QSOX2: variants seen among roughly 807,000 people sequenced by gnomAD.
The protein encoded by QSOX2 is quiescin sulfhydryl oxidase 2.
Under a neutral mutation model 61.7 loss-of-function variants are expected in QSOX2, and 46 were observed. The ratio of observed to expected loss-of-function variants is 0.75; its 90% CI spans 0.59 to 0.95. The LOEUF is 0.95. QSOX2 is among the 40% of genes least tolerant of loss of function. The probability of loss-of-function intolerance (pLI) is 0.00; values close to 1 mark genes in which losing one functional copy is unlikely to be tolerated. For synonymous variants in QSOX2, 383 were observed against 388.4 expected (o/e 0.99, Z 0.16); for missense variants, 879 against 918.9 (o/e 0.96, Z 0.56).
chr9:136,217,450 C>A (rs937370834), intron 8 of QSOX2, among the ~76,000 whole-genome samples: 5 of 152,222 alleles, frequency 3.3e-5, no homozygotes, highest in Admixed American at 1.3e-4. Context: ...TCACAGGTGG[C>A]GATGCCAGAC....
chr9:136,231,317 G>A (rs1045629291), intron 1 of QSOX2, among the ~76,000 whole-genome samples: 12 of 152,328 alleles, frequency 7.9e-5, no homozygotes, highest in Admixed American at 1.3e-4. Context: ...AAGACTCCCC[G>A]TCACGCAGGT....
chr9:136,214,668 G>A (rs1776754947), intron 10 of QSOX2, among the ~76,000 whole-genome samples: 1 of 152,214 alleles, frequency 6.6e-6, no homozygotes, highest in Admixed American at 6.5e-5. Context: ...TCCGACTGCA[G>A]CCTGACCAAT....
chr9:136,231,820 G>C (rs1165966653), intron 1 of QSOX2, among the ~76,000 whole-genome samples: 1 of 152,188 alleles, frequency 6.6e-6, no homozygotes, highest in African/African-American at 2.4e-5. Context: ...AGGACACCGA[G>C]CTCCAAGTCC....
chr9:136,206,366 T>A lies in QSOX2; in HGVS notation c.*2362A>T, dbSNP rs775405700. The A allele has an allele frequency of 8.5e-5, 13 of 152,678 alleles. No individual in the cohort carries two copies. The highest frequency in any genetic ancestry group is 1.5e-4 in the Non-Finnish European group (10 of 68,036). The allele number at this position is 152,678 out of a possible 1,614,324, so 9.5% of individuals were successfully genotyped here. A position where few individuals can be genotyped will look rare whatever the true frequency, so the allele number is the denominator to read the frequency against. ...AATGTCAGATTTCTTTATTAAAATG[T>A]GCACATTATAGTTTACTTAAATACA... On this transcript the variant is annotated 3_prime_UTR_variant, in exon 12 of 12. Coordinates refer to ENST00000358701, the MANE Select transcript of QSOX2 (RefSeq NM_181701.4).
Position 136,224,012 on chromosome 9 carries a change from G to A in QSOX2, c.579C>T (p.Pro193=), listed in dbSNP as rs149782009. The part of the protein sequence containing the change: ...SRPPACPRLD[P]IQPSDVLSLL... ...TTCTTCATGGAGCTACTCACTGAAT[G>A]GGGTCTAGGCGCGGGCAGGCAGGGG... Residue 193 remains proline (P), a synonymous_variant, in exon 4 of 12, where the codon CCC becomes CCT. Coordinates refer to ENST00000358701, the MANE Select transcript of QSOX2 (RefSeq NM_181701.4). The A allele has an allele frequency of 7.4e-6, 12 of 1,613,024 alleles. No individual in the cohort carries two copies. The African/African-American group carries it at 1.5e-4, about 20-fold the overall frequency.
intron 1 of QSOX2, among the ~76,000 whole-genome samples, chr9:136,240,728 C>T (rs1325556898): frequency 3.3e-5 from 5 of 152,216 alleles, no homozygotes; most frequent in South Asian, 2.1e-4. Flanking sequence ...CCCGGGCACA[C>T]GCTACGGTCG....
At chr9:136,241,747 A>G (rs987626010) in intron 1 of QSOX2, among the ~76,000 whole-genome samples, 1 of 152,132 alleles carries the variant, frequency 6.6e-6, no homozygotes, top group African/African-American at 2.4e-5. Context: ...ACGCAACCTC[A>G]TGTGCTATCA....
Position 136,218,671 on chromosome 9 carries a change from T to C in QSOX2, c.1086+8A>G, listed in dbSNP as rs749706199. The C allele has an allele frequency of 1.2e-6, 2 of 1,613,012 alleles. No individual in the cohort carries two copies. The highest frequency in any genetic ancestry group is 1.7e-6 in the Non-Finnish European group (2 of 1,179,546). Reference sequence around the variant, plus strand: ...CCACATGCAGCCCAGACCAGCACCGTCCCAAACCTTGGCCAAGACAGTCAC... The same window carrying C: ...CCACATGCAGCCCAGACCAGCACCGCCCCAAACCTTGGCCAAGACAGTCAC... On this transcript the variant is annotated splice_region_variant and intron_variant, in intron 8 of 11. Transcript: ENST00000358701.
At chr9:136,231,744 C>A (rs1424432843) in intron 1 of QSOX2, among the ~76,000 whole-genome samples, 7 of 152,240 alleles carry the variant, frequency 4.6e-5, no homozygotes, top group African/African-American at 1.7e-4. Context: ...CCCGGACCCA[C>A]CTTATTCCTT....
chr9:136,232,826 T>C (rs549951094), intron 1 of QSOX2, among the ~76,000 whole-genome samples: 1 of 138,520 alleles, frequency 7.2e-6, no homozygotes, highest in South Asian at 2.2e-4. Context: ...CAGGTTGAGA[T>C]GGGAGAACTA....
chr9:136,213,806 G>A (rs987566703), intron 10 of QSOX2, among the ~76,000 whole-genome samples: 3 of 152,158 alleles, frequency 2.0e-5, no homozygotes, highest in African/African-American at 7.2e-5. Flanking sequence ...CTACTTGGTG[G>A]GGAAGCCACG....
At chr9:136,230,264 C>T (rs111722479) in intron 1 of QSOX2, among the ~76,000 whole-genome samples, 27 of 152,306 alleles carry the variant, frequency 1.8e-4, no homozygotes, top group African/African-American at 5.8e-4. Context: ...GGCGCCAGAG[C>T]GAGACTCTAT....
At chr9:136,237,994 C>T (rs1418619695) in intron 1 of QSOX2, among the ~76,000 whole-genome samples, 3 of 152,224 alleles carry the variant, frequency 2.0e-5, no homozygotes, top group African/African-American at 7.2e-5. Flanking sequence ...AAACCACAAC[C>T]TTTGGGCTTT....
In QSOX2 at chr9:136,245,661, C is replaced by T. The variant is rs1222759250; in HGVS notation, c.143G>A (p.Gly48Asp). 4.1e-6 allele frequency: 5 copies of T among 1,228,134 alleles called. No individual in the cohort carries two copies. The highest frequency in any genetic ancestry group is 8.8e-5 in the Admixed American group (2 of 22,808). The allele number at this position is 1,228,134 out of a possible 1,614,324, so 76.1% of individuals were successfully genotyped here. Reference protein sequence around the residue: ...VLLAAAAVGPGAGGAARLYRA... With the variant: ...VLLAAAAVGPDAGGAARLYRA... ...GTACAGCCGCGCCGCACCGCCCGCG[C>T]CCGGCCCCACCGCCGCCGCCGCTAG... Residue 48 changes from glycine (G) to aspartate (D), a missense_variant, in exon 1 of 12, where the codon GGC becomes GAC. Coordinates refer to ENST00000358701, the MANE Select transcript of QSOX2 (RefSeq NM_181701.4).
chr9:136,212,965 G>A (rs1047562012), intron 10 of QSOX2, among the ~76,000 whole-genome samples: 1 of 152,230 alleles, frequency 6.6e-6, no homozygotes, highest in East Asian at 1.9e-4. Context: ...CTTGCTAGCA[G>A]TGTGCTTTGC....
At chr9:136,236,478 A>G (rs914148657) in intron 1 of QSOX2, among the ~76,000 whole-genome samples, 1 of 152,218 alleles carries the variant, frequency 6.6e-6, no homozygotes, top group African/African-American at 2.4e-5. Flanking sequence ...GTTTTGGCCA[A>G]TCTGAGGCTT....
In QSOX2 at chr9:136,222,322, C is replaced by T. The variant is rs967872526; in HGVS notation, c.676-381G>A. Among the ~76,000 whole-genome samples, 51 of 152,162 alleles carry T rather than the reference C, an allele frequency of 3.4e-4. No individual in the cohort carries two copies. The highest frequency in any genetic ancestry group is 2.1e-3 in the Admixed American group (32 of 15,268). On this transcript the variant is annotated intron_variant, in intron 5 of 11. Coordinates refer to ENST00000358701, the MANE Select transcript of QSOX2 (RefSeq NM_181701.4). This position sits in a 1 kb window ranked among gnomAD's most constrained non-coding sequence, Gnocchi z 6.9. The stretch of plus-strand genomic sequence containing the variant: ...GTCCCGCGTGTGGAAGCTTCGTGGC[C>T]GGGGCAGCAGGCCTCGTGCTGCCGC...
In QSOX2 at chr9:136,221,704, C is replaced by A. The variant is rs572087215; in HGVS notation, c.821+92G>T. The A allele has an allele frequency of 3.6e-6, 5 of 1,388,462 alleles. No homozygotes were observed. The highest frequency in any genetic ancestry group is 4.8e-6 in the Non-Finnish European group (5 of 1,042,098). The allele number at this position is 1,388,462 out of a possible 1,614,324, so 86.0% of individuals were successfully genotyped here. On this transcript the variant is annotated intron_variant, in intron 6 of 11. Transcript: ENST00000358701. This position sits in a 1 kb window ranked among gnomAD's most constrained non-coding sequence, Gnocchi z 4.5. ...CGAGGCGGAGGGGCCAGGGCTCCCC[C>A]GATCTCACACCAGACTTGCACTGTC...
intron 10 of QSOX2, among the ~76,000 whole-genome samples, chr9:136,211,694 T>G (rs979666322): frequency 3.3e-5 from 5 of 152,170 alleles, no homozygotes; most frequent in African/African-American, 1.2e-4. Flanking sequence ...AGGGCGGACA[T>G]GCTCCCCAGA....
Sources: gnomAD v4.1 joint callset for allele counts (sites outside exome capture counted in the v4.1 genomes callset) on GRCh38, gnomAD v4.1.1 for gene constraint, Gnocchi (gnomAD v3.1) non-coding constraint, MANE v1.5 for transcripts, NCBI Gene and HGNC (gene_info 2026-07-23, HGNC 2026-07-21) for gene names.